ABCB7: variants seen among roughly 807,000 people sequenced by gnomAD.
ABCB7 encodes the protein iron-sulfur clusters transporter ABCB7, mitochondrial.
In ABCB7, 7 loss-of-function variants were observed where a neutral mutation model predicts 54.4. The ratio of observed to expected loss-of-function variants is 0.13; its 90% CI spans 0.07 to 0.24. ABCB7 has a LOEUF of 0.24. Among genes scored for constraint, ABCB7 ranks in the 10% least tolerant of loss-of-function variants. The pLI is 1.00. For missense variants in ABCB7, 356 were observed against 570.4 expected (o/e 0.62, Z 3.83); for synonymous variants, 218 against 207.1 (o/e 1.05, Z -0.45).
intron 15 of ABCB7, among the ~76,000 whole-genome samples, chrX:75,056,497 C>T (rs1010929233): frequency 4.5e-5 from 5 of 111,474 alleles, no homozygotes; most frequent in Non-Finnish European, 7.5e-5. Flanking sequence ...GTTCCTTTGT[C>T]CTCATGACTT....
Position 75,114,813 on chromosome X carries a change from T to C in ABCB7, c.187A>G (p.Ser63Gly). The change falls in exon 2 of 16, where the codon AGT becomes GGT. Residue 63 changes from serine to glycine, a missense_variant. Physicochemically the swap from Ser to Gly is moderately conservative, Grantham distance 56. This residue lies in a region of ABCB7 where 115 missense variants were observed against 99.5 expected (regional missense o/e 1.16). Coordinates refer to ENST00000373394, the MANE Select transcript of ABCB7 (RefSeq NM_001271696.3). ...TTTCCCAATCTCTGCCATGTGATACTTTTTAATGACTCTGGAATCTGCTGA... is the reference window on the plus strand; with the variant it reads ...TTTCCCAATCTCTGCCATGTGATACCTTTTAATGACTCTGGAATCTGCTGA... Reference protein sequence around the residue: ...RAYQIPESLKSITWQRLGKGN... With the variant: ...RAYQIPESLKGITWQRLGKGN... 1 of 1,199,741 alleles carries C rather than the reference T, an allele frequency of 8.3e-7. No homozygotes were observed. The highest frequency in any genetic ancestry group is 1.8e-5 in the South Asian group (1 of 56,692).
At chrX:75,066,339 T>TTTAAATC (rs1334303314) in intron 12 of ABCB7, among the ~76,000 whole-genome samples, 2 of 111,705 alleles carry the variant, frequency 1.8e-5, no homozygotes, top group Admixed American at 9.6e-5. Flanking sequence ...AAATCATTTA[T>TTTAAATC]ATACCTATTA....
chrX:75,120,237 T>C (rs989706637), intron 1 of ABCB7, among the ~76,000 whole-genome samples: 1 of 112,625 alleles, frequency 8.9e-6, no homozygotes, highest in Non-Finnish European at 1.9e-5. Flanking sequence ...TCTCTCTACC[T>C]GATTTTTCCA....
At chrX:75,108,165 C>T (rs1482748724) in intron 3 of ABCB7, among the ~76,000 whole-genome samples, 3 of 110,995 alleles carry the variant, frequency 2.7e-5, no homozygotes, top group African/African-American at 6.6e-5. Context: ...GTATGAGTGC[C>T]GGCTCAGCCT....
At chrX:75,146,976 G>GA (rs202126877) in intron 1 of ABCB7, among the ~76,000 whole-genome samples, 3,385 of 94,509 alleles carry the variant, frequency 0.036, 142 homozygotes, top group African/African-American at 0.12. Flanking sequence ...AAATTTACAA[G>GA]AAAAAAAAAC....
In ABCB7 at chrX:75,060,346, T is replaced by A; in HGVS notation, c.1936-16A>T. On this transcript the variant is annotated splice_polypyrimidine_tract_variant and intron_variant, in intron 14 of 15. Transcript: ENST00000373394. ...CAAGAATAGTCTGCAAGTTTGGTAATATGAAGAACAGGAGAAAATAAAAAG... is the reference window on the plus strand; with the variant it reads ...CAAGAATAGTCTGCAAGTTTGGTAAAATGAAGAACAGGAGAAAATAAAAAG... 9.1e-7 allele frequency: 1 copy of A among 1,101,308 alleles called. No individual in the cohort carries two copies. Among genetic ancestry groups the A allele is most frequent in the Non-Finnish European group, 1.3e-6 (1 of 795,394 alleles). 90.8% of individuals were successfully genotyped at this position (1,101,308 alleles called of 1,213,427 possible).
In ABCB7 at chrX:75,075,392, C is replaced by G. The variant is rs1346977337; in HGVS notation, c.825G>C (p.Met275Ile). The G allele has an allele frequency of 1.7e-6, 2 of 1,209,652 alleles. No individual in the cohort carries two copies. Among genetic ancestry groups the G allele is most frequent in the Non-Finnish European group, 2.2e-6 (2 of 894,965 alleles). ...SALVFNLLPI[M>I]FEVMLVSGVL... ...CACCACTGACAAGCATCACTTCAAA[C>G]ATGATGGGAAGAAGATTAAATACCA... Residue 275 changes from methionine to isoleucine, a missense_variant, in exon 6 of 16, where the codon ATG becomes ATC. Physicochemically the swap from Met to Ile is conservative, Grantham distance 10. Around this residue, in one of 2 missense-constraint regions of ABCB7, gnomAD observed 241 missense variants for 470.9 expected, o/e 0.51. Transcript: ENST00000373394.
chrX:75,053,197 T>A lies in ABCB7; in HGVS notation c.*173A>T. On this transcript the variant is annotated 3_prime_UTR_variant, in exon 16 of 16. Coordinates refer to ENST00000373394, the MANE Select transcript of ABCB7 (RefSeq NM_001271696.3). ...AAAATAATTTGGGGATAAATACAGA[T>A]GCCACATTAAATAGACTATGAAAGA... 1.5e-6 allele frequency: 1 copy of A among 651,959 alleles called. No individual in the cohort carries two copies. Among genetic ancestry groups the A allele is most frequent in the South Asian group, 3.0e-5 (1 of 33,273 alleles). The allele number at this position is 651,959 out of a possible 1,213,427, so 53.7% of individuals were successfully genotyped here.
At chrX:75,067,673 C>T (rs952600507) in intron 12 of ABCB7, among the ~76,000 whole-genome samples, 3 of 110,105 alleles carry the variant, frequency 2.7e-5, no homozygotes, top group Non-Finnish European at 5.7e-5. Flanking sequence ...TTACTAGAGA[C>T]GGGGTTTCAT....
chrX:75,124,254 C>G (rs1342625803), intron 1 of ABCB7, among the ~76,000 whole-genome samples: 1 of 111,592 alleles, frequency 9.0e-6, no homozygotes, highest in Non-Finnish European at 1.9e-5. Context: ...TATGGGATTC[C>G]CCTCTACCTC....
intron 4 of ABCB7, among the ~76,000 whole-genome samples, chrX:75,082,506 CA>C (rs1232580253): frequency 9.0e-6 from 1 of 111,721 alleles, no homozygotes; most frequent in East Asian, 2.8e-4. Flanking sequence ...GAAGGAAGAG[CA>C]ATGGAAATGG....
At chrX:75,099,276 TCTTA>T (rs1229831035) in intron 3 of ABCB7, among the ~76,000 whole-genome samples, 1 of 112,070 alleles carries the variant, frequency 8.9e-6, no homozygotes, top group Non-Finnish European at 1.9e-5. Context: ...CTCTTAAATG[TCTTA>T]CTTTCAATTT....
intron 1 of ABCB7, among the ~76,000 whole-genome samples, chrX:75,121,122 CTAATAA>C (rs2081874409): frequency 9.1e-6 from 1 of 109,358 alleles, no homozygotes; most frequent in African/African-American, 3.3e-5. Context: ...AACCCCGTCT[CTAATAA>C]AAATACAAAA....
At chrX:75,076,496 T>C in intron 5 of ABCB7, 26 bp downstream of exon 5, 1 of 1,208,541 alleles carries the variant, frequency 8.3e-7, no homozygotes, top group Non-Finnish European at 1.1e-6. Flanking sequence ...TCAACACCTG[T>C]AGACAGATTA....
Position 75,051,371 on chromosome X carries a change from T to C in ABCB7, c.*1999A>G, listed in dbSNP as rs1349185828. On this transcript the variant is annotated 3_prime_UTR_variant, in exon 16 of 16. Coordinates refer to ENST00000373394, the MANE Select transcript of ABCB7 (RefSeq NM_001271696.3). Reference sequence around the variant, plus strand: ...AATACTAAAATTAATCTCTCCCATATCAAATTATCATGAAAAATTTCTTAA... The same window carrying C: ...AATACTAAAATTAATCTCTCCCATACCAAATTATCATGAAAAATTTCTTAA... 9.0e-6 allele frequency among the ~76,000 whole-genome samples: 1 copy of C among 111,531 alleles called. No individual in the cohort carries two copies. The highest frequency in any genetic ancestry group is 3.3e-5 in the African/African-American group (1 of 30,686).
At chrX:75,141,112 C>G (rs931341364) in intron 1 of ABCB7, among the ~76,000 whole-genome samples, 5 of 111,826 alleles carry the variant, frequency 4.5e-5, no homozygotes, top group African/African-American at 1.6e-4. Flanking sequence ...AAAAAGATAT[C>G]AATTCAGCAT....
At chrX:75,125,718 CAG>C (rs1356057743) in intron 1 of ABCB7, among the ~76,000 whole-genome samples, 1 of 111,221 alleles carries the variant, frequency 9.0e-6, no homozygotes, top group Non-Finnish European at 1.9e-5. Context: ...TCTTACTAAA[CAG>C]AGGCATGATA....
At chrX:75,075,272 G>A in intron 6 of ABCB7, 90 bp downstream of exon 6, 2 of 1,054,450 alleles carry the variant, frequency 1.9e-6, no homozygotes, top group South Asian at 4.1e-5. Flanking sequence ...TCAAGCCCAT[G>A]GGCATGCAAC....
At chrX:75,118,979 C>A (rs2081848983) in intron 1 of ABCB7, among the ~76,000 whole-genome samples, 1 of 112,039 alleles carries the variant, frequency 8.9e-6, no homozygotes, top group Non-Finnish European at 1.9e-5. Flanking sequence ...AACTTAAAAA[C>A]TGGCGAATGA....
Sources: allele counts gnomAD v4.1 joint callset (sites outside exome capture counted in the v4.1 genomes callset), GRCh38; gene constraint gnomAD v4.1.1; regional missense constraint gnomAD v4.1.1; transcripts MANE v1.5; gene names NCBI Gene and HGNC (gene_info 2026-07-23, HGNC 2026-07-21).